Variants in MSRA observed in about 807,000 individuals in gnomAD.
The protein encoded by MSRA is methionine sulfoxide reductase A, also known as mitochondrial peptide methionine sulfoxide reductase.
In MSRA, 54 loss-of-function variants were observed where a neutral mutation model predicts 31.3. That is an observed-to-expected ratio of 1.73 (90% CI 1.39 to 2.17). The LOEUF is 2.17. Among genes scored for constraint, MSRA ranks in the 30% most tolerant of loss-of-function variants. MSRA has a pLI of 0.00. For missense variants in MSRA, 507 were observed against 300.9 expected (o/e 1.69, Z -5.07); for synonymous variants, 169 against 116.5 (o/e 1.45, Z -2.90).
intron 5 of MSRA, among the ~76,000 whole-genome samples, chr8:10,404,318 A>T (rs989700205): frequency 2.0e-5 from 3 of 152,058 alleles, no homozygotes; most frequent in Non-Finnish European, 4.4e-5. Context: ...TTTCCTGACA[A>T]CACTAGATGC....
At chr8:10,293,298 C>A (rs1185343497) in intron 3 of MSRA, among the ~76,000 whole-genome samples, 1 of 152,176 alleles carries the variant, frequency 6.6e-6, no homozygotes, top group Non-Finnish European at 1.5e-5. Context: ...AGCTCATGAG[C>A]CACTTTGTGG....
At chr8:10,066,483 T>C (rs1279853977) in intron 1 of MSRA, among the ~76,000 whole-genome samples, 1 of 152,230 alleles carries the variant, frequency 6.6e-6, no homozygotes. Context: ...TTCTGTATCT[T>C]GCTTTTCTTG....
chr8:10,067,192 A>T (rs1202522007), intron 1 of MSRA, among the ~76,000 whole-genome samples: 1 of 151,744 alleles, frequency 6.6e-6, no homozygotes. Context: ...CTTCCCAAGA[A>T]CCCCTTGCAA....
At chr8:10,332,236 C>T (rs539868285) in intron 5 of MSRA, among the ~76,000 whole-genome samples, 39 of 152,320 alleles carry the variant, frequency 2.6e-4, no homozygotes, top group Admixed American at 1.3e-3. Flanking sequence ...CTGTTGTTTT[C>T]ACCAACACTG....
At chr8:10,097,096 G>A (rs930239247) in intron 1 of MSRA, among the ~76,000 whole-genome samples, 2 of 152,030 alleles carry the variant, frequency 1.3e-5, no homozygotes, top group African/African-American at 2.4e-5. Context: ...CGCCTTAAAT[G>A]ATTAATTGTT....
chr8:10,407,812 C>G (rs1308796834), intron 5 of MSRA, among the ~76,000 whole-genome samples: 1 of 152,166 alleles, frequency 6.6e-6, no homozygotes, highest in Non-Finnish European at 1.5e-5. Flanking sequence ...AATCAAAATT[C>G]TTGCTTGCTC....
Position 10,329,094 on chromosome 8 carries a change from A to G in MSRA, c.543+9105A>G, listed in dbSNP as rs7812723. Among the ~76,000 whole-genome samples the G allele has an allele frequency of 1.8e-3, 281 of 152,340 alleles. 1 individual carries two copies. Among genetic ancestry groups the G allele is most frequent in the African/African-American group, 6.3e-3 (264 of 41,584 alleles). On this transcript the variant is annotated intron_variant, in intron 5 of 5. Coordinates refer to ENST00000317173, the MANE Select transcript of MSRA (RefSeq NM_012331.5). ...GTAGGATTAAGTCAGTGGGTGATAG[A>G]TGAAACTGCCTTCCTCTCACTACTT...
chr8:10,170,028 T>A (rs142787329), intron 1 of MSRA, among the ~76,000 whole-genome samples: 254 of 145,634 alleles, frequency 1.7e-3, no homozygotes, highest in African/African-American at 6.0e-3. Flanking sequence ...TGTCTACCAC[T>A]ACGCCTGGCT....
At chr8:10,357,945 G>A (rs1804604831) in intron 5 of MSRA, among the ~76,000 whole-genome samples, 1 of 151,854 alleles carries the variant, frequency 6.6e-6, no homozygotes, top group Admixed American at 6.5e-5. Context: ...TTTTTGAAAT[G>A]GAGTTTTACT....
rs1358940945 is a variant in MSRA at position 10,204,074 on chromosome 8, G to A, written c.143-3759G>A. Among the ~76,000 whole-genome samples, 4 of 151,930 alleles carry A rather than the reference G, an allele frequency of 2.6e-5. No homozygotes were observed. The South Asian group carries it at 6.3e-4, about 24-fold the overall frequency. On this transcript the variant is annotated intron_variant, in intron 1 of 5. Transcript: ENST00000317173. ...ACAGAAAATTTAAAAAGTAAAAAAT[G>A]AAAATTTTAAAAACAGGAAGAGCTT... is the stretch of plus-strand genomic sequence containing the variant.
At position 10,428,589 on chromosome 8, in the gene MSRA, T is replaced by G. The variant is rs1337174816; in HGVS notation, c.*277T>G. The G allele has an allele frequency of 2.5e-6, 1 of 392,310 alleles. No individual in the cohort carries two copies. Among genetic ancestry groups the G allele is most frequent in the Non-Finnish European group, 4.6e-6 (1 of 216,796 alleles). 24.3% of individuals were successfully genotyped at this position (392,310 alleles called of 1,614,324 possible). A position where few individuals can be genotyped will look rare whatever the true frequency, so the allele number is the denominator to read the frequency against. On this transcript the variant is annotated 3_prime_UTR_variant, in exon 6 of 6. Transcript: ENST00000317173. ...ATAGCAGGGATGCTGTGTTCACCCT[T>G]CTTGGTAGAAGCTAAGGTGTGAGCT...
At chr8:10,325,700 C>G (rs12676847) in intron 5 of MSRA, among the ~76,000 whole-genome samples, 32,296 of 152,088 alleles carry the variant, frequency 0.21, 4,454 homozygotes, top group East Asian at 0.59. Context: ...TTGATCAGTG[C>G]TTTAGCCTTT....
At chr8:10,280,714 T>TA in intron 3 of MSRA, among the ~76,000 whole-genome samples, 1 of 152,230 alleles carries the variant, frequency 6.6e-6, no homozygotes. Context: ...CAAAAGCCTG[T>TA]ACACAAATAT....
At chr8:10,301,035 C>T (rs1051256260) in intron 3 of MSRA, among the ~76,000 whole-genome samples, 2 of 152,162 alleles carry the variant, frequency 1.3e-5, no homozygotes, top group African/African-American at 2.4e-5. Context: ...GCACGTATGT[C>T]CCTCCTTAAC....
intron 1 of MSRA, among the ~76,000 whole-genome samples, chr8:10,177,078 GTGCTGTT>G (rs1232760562): frequency 6.6e-6 from 1 of 152,150 alleles, no homozygotes; most frequent in African/African-American, 2.4e-5. Flanking sequence ...AGTTTATTAC[GTGCTGTT>G]TGCTGTTTGA....
chr8:10,240,480 C>G (rs916257702), intron 2 of MSRA, among the ~76,000 whole-genome samples: 6 of 152,206 alleles, frequency 3.9e-5, no homozygotes, highest in Non-Finnish European at 7.3e-5. Flanking sequence ...GGATGAGTGC[C>G]TCTTTCATGG....
chr8:10,321,804 C>G (rs980532279), intron 5 of MSRA, among the ~76,000 whole-genome samples: 4 of 152,162 alleles, frequency 2.6e-5, no homozygotes, highest in African/African-American at 9.7e-5. Flanking sequence ...TTCGAATCCC[C>G]TCAACCCCAG....
chr8:10,427,739 G>C (rs1332674797), intron 5 of MSRA, among the ~76,000 whole-genome samples: 3 of 152,124 alleles, frequency 2.0e-5, no homozygotes, highest in South Asian at 2.1e-4. Flanking sequence ...TGGCCCTGCT[G>C]AGCCCTCTCA....
At chr8:10,183,568 G>A (rs1585114132) in intron 1 of MSRA, among the ~76,000 whole-genome samples, 1 of 152,176 alleles carries the variant, frequency 6.6e-6, no homozygotes, top group Admixed American at 6.5e-5. Flanking sequence ...TCAAAATATA[G>A]AAGTTCAGAT....
Sources: allele counts gnomAD v4.1 joint callset (sites outside exome capture counted in the v4.1 genomes callset), GRCh38; gene constraint gnomAD v4.1.1; transcripts MANE v1.5; gene names NCBI Gene and HGNC (gene_info 2026-07-23, HGNC 2026-07-21).